The following IPCEF1 variants were observed in gnomAD, a reference collection of about 807,000 sequenced individuals.
IPCEF1 encodes interactor protein for cytohesin exchange factors 1.
In IPCEF1, 31 loss-of-function variants were observed where a neutral mutation model predicts 50.9. The observed-to-expected ratio is 0.61, with a 90% CI of 0.46 to 0.82. The LOEUF (loss-of-function observed/expected upper bound fraction) is 0.82, where lower values mean the gene tolerates loss of function less well. IPCEF1 is among the 40% of genes least tolerant of loss of function. The pLI, the probability that IPCEF1 is intolerant of heterozygous loss-of-function variation, is 0.00. For missense variants in IPCEF1, 458 were observed against 514.0 expected (o/e 0.89, Z 1.05); for synonymous variants, 181 against 192.0 (o/e 0.94, Z 0.47).
At chr6:154,185,706 T>A (rs1306471010) in intron 10 of IPCEF1, among the ~76,000 whole-genome samples, 2 of 152,148 alleles carry the variant, frequency 1.3e-5, no homozygotes, top group African/African-American at 4.8e-5. Context: ...CTCGGCCACA[T>A]TAGAAGAAGA....
intron 2 of IPCEF1, among the ~76,000 whole-genome samples, chr6:154,276,501 A>G (rs938223874): frequency 2.6e-5 from 4 of 152,136 alleles, no homozygotes; most frequent in Non-Finnish European, 1.5e-5. Flanking sequence ...ATTTGGCAGA[A>G]CTGTTGCAAA....
At chr6:154,294,657 T>C (rs1440376549) in intron 1 of IPCEF1, among the ~76,000 whole-genome samples, 1 of 151,672 alleles carries the variant, frequency 6.6e-6, no homozygotes, top group African/African-American at 2.4e-5. Flanking sequence ...GCAGGAAGCC[T>C]ACCAGCAGAA....
At chr6:154,285,789 G>A (rs1583947046) in intron 2 of IPCEF1, among the ~76,000 whole-genome samples, 2 of 152,136 alleles carry the variant, frequency 1.3e-5, no homozygotes, top group East Asian at 3.9e-4. Context: ...AGAAACCCTT[G>A]GAGTCTGAGT....
intron 1 of IPCEF1, among the ~76,000 whole-genome samples, chr6:154,296,601 G>T (rs1294438126): frequency 6.6e-6 from 1 of 152,070 alleles, no homozygotes; most frequent in Non-Finnish European, 1.5e-5. Context: ...AGGCCGAGGA[G>T]GGCAGATCAC....
chr6:154,288,807 T>C (rs1782440218), intron 2 of IPCEF1, among the ~76,000 whole-genome samples: 1 of 151,076 alleles, frequency 6.6e-6, no homozygotes, highest in East Asian at 1.9e-4. Flanking sequence ...CTCACGCCTA[T>C]AATCCTAGTT....
At chr6:154,160,212 C>T (rs1798893755) in intron 11 of IPCEF1, among the ~76,000 whole-genome samples, 172 bp from the exon 12 acceptor site, 1 of 152,204 alleles carries the variant, frequency 6.6e-6, no homozygotes, top group African/African-American at 2.4e-5. Context: ...CATTTGTTTG[C>T]ATACGCTAGC....
intron 5 of IPCEF1, among the ~76,000 whole-genome samples, chr6:154,245,869 A>C (rs907038210): frequency 1.3e-5 from 2 of 152,252 alleles, no homozygotes; most frequent in Admixed American, 6.5e-5. Flanking sequence ...AAAGATCAGC[A>C]CACTTTCTAA....
At chr6:154,241,317 A>G (rs1261830601) in intron 5 of IPCEF1, among the ~76,000 whole-genome samples, 2 of 152,084 alleles carry the variant, frequency 1.3e-5, no homozygotes, top group Admixed American at 1.3e-4. Context: ...AGGGGCCTCA[A>G]GCTTCCTTGA....
chr6:154,164,137 T>C (rs1799241067), intron 11 of IPCEF1, among the ~76,000 whole-genome samples: 1 of 152,198 alleles, frequency 6.6e-6, no homozygotes, highest in Non-Finnish European at 1.5e-5. Context: ...AGACATCTAC[T>C]TCAAAGGAAG....
chr6:154,323,461 G>GGTATTTACAAATAAACGTTTACTTA (rs1783440938), intron 1 of IPCEF1, among the ~76,000 whole-genome samples: 6 of 148,666 alleles, frequency 4.0e-5, no homozygotes, highest in African/African-American at 1.5e-4. Context: ...ACATTTCTTT[G>GGTATTTACAAATAAACGTTTACTTA]GTATTTACAA....
chr6:154,213,354 G>A (rs941944629), intron 8 of IPCEF1: 3 of 158,938 alleles, frequency 1.9e-5, no homozygotes, highest in African/African-American at 7.2e-5. Context: ...GTCATAGAAG[G>A]CCTTACATAC....
rs554861834 is a variant in IPCEF1, at chr6:154,298,409, C to T, written c.-61-8653G>A. Among the ~76,000 whole-genome samples, 12 of 152,266 alleles carry T rather than the reference C, an allele frequency of 7.9e-5. No individual in the cohort carries two copies. In the South Asian group the frequency reaches 2.3e-3, roughly 29 times the overall value. On this transcript the variant is annotated intron_variant, in intron 1 of 11. Transcript: ENST00000367220. ...GTTGGTTCCTAGAGAACCTCTTAAT[C>T]AAAACTTAAACTAAATGTAAGTCAG... is the stretch of plus-strand genomic sequence containing the variant.
chr6:154,291,375 C>T (rs1782508944), intron 1 of IPCEF1, among the ~76,000 whole-genome samples: 1 of 152,142 alleles, frequency 6.6e-6, no homozygotes, highest in Admixed American at 6.5e-5. Flanking sequence ...ATAACTCAAT[C>T]TACTTGAGTA....
intron 1 of IPCEF1, among the ~76,000 whole-genome samples, chr6:154,353,365 G>A (rs906290272): frequency 6.7e-6 from 1 of 149,090 alleles, no homozygotes; most frequent in Non-Finnish European, 1.5e-5. Flanking sequence ...CGTGATCTCG[G>A]CTCACTGCGC....
intron 10 of IPCEF1, among the ~76,000 whole-genome samples, chr6:154,182,949 T>A (rs780330517): frequency 1.3e-5 from 2 of 152,050 alleles, no homozygotes; most frequent in Non-Finnish European, 2.9e-5. Flanking sequence ...AAGCAGAATA[T>A]GAAGGCTGAA....
At chr6:154,176,870 T>G (rs572331699) in intron 10 of IPCEF1, among the ~76,000 whole-genome samples, 1 of 152,156 alleles carries the variant, frequency 6.6e-6, no homozygotes, top group Non-Finnish European at 1.5e-5. Context: ...GGAGGCATCA[T>G]GCTACCTGAC....
chr6:154,325,774 T>G lies in IPCEF1; in HGVS notation c.-62+30898A>C, dbSNP rs73789447. Among the ~76,000 whole-genome samples the G allele has an allele frequency of 2.1e-3, 314 of 152,260 alleles. 1 individual carries two copies. The highest frequency in any genetic ancestry group is 7.2e-3 in the African/African-American group (301 of 41,568). ...TTTTTTGGGGTGTGCTTTTTGACGG[T>G]GAATATATTTAGTTTTATATAAAAT... On this transcript the variant is annotated intron_variant, in intron 1 of 11. Transcript: ENST00000367220.
intron 9 of IPCEF1, among the ~76,000 whole-genome samples, chr6:154,200,629 G>C (rs926351379): frequency 1.3e-5 from 2 of 152,092 alleles, no homozygotes; most frequent in African/African-American, 4.8e-5. Context: ...ACTGAGGCAG[G>C]AGAATCACTT....
At position 154,196,617 on chromosome 6, in the gene IPCEF1, A is replaced by G. The variant is rs142582811; in HGVS notation, c.910+3051T>C. Among the ~76,000 whole-genome samples the G allele has an allele frequency of 3.0e-3, 454 of 152,344 alleles. 1 individual carries two copies. The highest frequency in any genetic ancestry group is 0.01 in the African/African-American group (426 of 41,574). On this transcript the variant is annotated intron_variant, in intron 10 of 11. Transcript: ENST00000367220. ...ATTGTCAGCAGGTAGTGTGTGTTGT[A>G]CATATGTGACTTACTATCACACAGG...
Sources: allele counts gnomAD v4.1 joint callset (sites outside exome capture counted in the v4.1 genomes callset), GRCh38; gene constraint gnomAD v4.1.1; transcripts MANE v1.5; gene names NCBI Gene and HGNC (gene_info 2026-07-23, HGNC 2026-07-21).